Variants in DOCK4 observed in about 807,000 individuals in gnomAD.
DOCK4 encodes dedicator of cytokinesis protein 4.
In DOCK4, 97 loss-of-function variants were observed where a neutral mutation model predicts 268.1. The observed-to-expected ratio is 0.36, with a 90% CI of 0.31 to 0.43. The LOEUF is 0.43. DOCK4 is among the 20% of genes least tolerant of loss of function. DOCK4 has a pLI of 1.00. For missense variants in DOCK4, 2,145 were observed against 2,455.7 expected (o/e 0.87, Z 2.67); for synonymous variants, 954 against 887.2 (o/e 1.08, Z -1.34).
At chr7:112,009,961 C>T (rs1271116338) in intron 1 of DOCK4, among the ~76,000 whole-genome samples, 6 of 152,148 alleles carry the variant, frequency 3.9e-5, no homozygotes, top group Non-Finnish European at 7.3e-5. Flanking sequence ...GGACTGAAAG[C>T]GTTCGCCACC....
At chr7:112,122,521 T>C (rs60969734) in intron 1 of DOCK4, among the ~76,000 whole-genome samples, 5,728 of 152,236 alleles carry the variant, frequency 0.038, 230 homozygotes, top group East Asian at 0.18. Flanking sequence ...TCCACACACC[T>C]TGGCCTCCTA....
intron 30 of DOCK4, among the ~76,000 whole-genome samples, chr7:111,799,684 C>A (rs961388096): frequency 6.6e-6 from 1 of 152,160 alleles, no homozygotes; most frequent in Non-Finnish European, 1.5e-5. Context: ...AAGGGCTATT[C>A]ATCTTAATCC....
intron 1 of DOCK4, among the ~76,000 whole-genome samples, chr7:112,140,697 A>AT (rs1224609629): frequency 6.6e-6 from 1 of 151,894 alleles, no homozygotes; most frequent in Admixed American, 6.6e-5. Flanking sequence ...ACACGGAAGA[A>AT]TTTTTTTTCC....
In DOCK4 at chr7:111,809,414, C is replaced by T; in HGVS notation, c.3007-13G>A. 1 of 1,530,170 alleles carries T rather than the reference C, an allele frequency of 6.5e-7. No homozygotes were observed. Among genetic ancestry groups the T allele is most frequent in the Non-Finnish European group, 8.9e-7 (1 of 1,126,776 alleles). The allele number at this position is 1,530,170 out of a possible 1,614,324, so 94.8% of individuals were successfully genotyped here. A position where few individuals can be genotyped will look rare whatever the true frequency, so the allele number is the denominator to read the frequency against. On this transcript the variant is annotated splice_polypyrimidine_tract_variant and intron_variant, in intron 28 of 52. Transcript: ENST00000428084. ...AGGAATCCCAGATCTAAAACAAGAA[C>T]AAGATATATCAATACTATGGTGTTA...
chr7:111,741,887 C>T, intron 45 of DOCK4, 126 bp downstream of exon 45: 1 of 1,350,946 alleles, frequency 7.4e-7, no homozygotes, highest in Non-Finnish European at 9.9e-7. Flanking sequence ...TTTGAGGGCT[C>T]CCTGGTAAAA....
intron 22 of DOCK4, among the ~76,000 whole-genome samples, chr7:111,867,112 C>T (rs1402465238): frequency 2.6e-5 from 4 of 152,204 alleles, no homozygotes; most frequent in African/African-American, 9.7e-5. Context: ...GAATAGACCT[C>T]TCAACAGTCA....
rs529448743 is a variant in DOCK4, at chr7:112,025,222, T to G, written c.38-21091A>C. Among the ~76,000 whole-genome samples, 6 of 152,208 alleles carry G rather than the reference T, an allele frequency of 3.9e-5. No homozygotes were observed. The South Asian group carries it at 1.2e-3, about 32-fold the overall frequency. On this transcript the variant is annotated intron_variant, in intron 1 of 52. Coordinates refer to ENST00000428084, the MANE Select transcript of DOCK4 (RefSeq NM_001363540.2). ...GGGATTCAGTGATGAATAATAATAATAATAAAAAGCTGCCTTTTCTACCTC... is the reference window on the plus strand; with the variant it reads ...GGGATTCAGTGATGAATAATAATAAGAATAAAAAGCTGCCTTTTCTACCTC...
intron 1 of DOCK4, among the ~76,000 whole-genome samples, chr7:112,128,643 C>G (rs562141554): frequency 5.6e-4 from 85 of 152,264 alleles, no homozygotes; most frequent in East Asian, 3.9e-3. Flanking sequence ...TGAAACATGT[C>G]CTCTGTCCAC....
At chr7:111,764,152 T>C (rs1450991112) in intron 39 of DOCK4, among the ~76,000 whole-genome samples, 1 of 152,224 alleles carries the variant, frequency 6.6e-6, no homozygotes, top group Non-Finnish European at 1.5e-5. Flanking sequence ...TCATTTCAAC[T>C]GACTAAAGAA....
At chr7:112,018,179 A>AAAAAAAAAAAAAACACACAC in intron 1 of DOCK4, among the ~76,000 whole-genome samples, 1 of 72,590 alleles carries the variant, frequency 1.4e-5, no homozygotes, top group African/African-American at 5.4e-5. Context: ...AAAAAAAAAA[A>AAAAAAAAAAAAAACACACAC]ACACAGGCAA....
chr7:111,810,105 T>C (rs1001691630), intron 28 of DOCK4, among the ~76,000 whole-genome samples: 1 of 151,788 alleles, frequency 6.6e-6, no homozygotes, highest in Non-Finnish European at 1.5e-5. Flanking sequence ...TATACGTAAA[T>C]AGCTCTTACA....
chr7:111,816,158 A>G (rs536178758), intron 27 of DOCK4, among the ~76,000 whole-genome samples: 9 of 152,306 alleles, frequency 5.9e-5, no homozygotes, highest in Non-Finnish European at 1.2e-4. Context: ...CATCCAGGAA[A>G]GCTTATCTCC....
chr7:111,934,523 G>GTTTTTTTTTTTTTTTT (rs1183672033), intron 12 of DOCK4, among the ~76,000 whole-genome samples: 196 of 83,792 alleles, frequency 2.3e-3, no homozygotes, highest in Non-Finnish European at 3.9e-3. Context: ...TTTTGTTTTT[G>GTTTTTTTTTTTTTTTT]TTTTTTTTTT....
intron 1 of DOCK4, among the ~76,000 whole-genome samples, chr7:112,028,044 A>C (rs1292016467): frequency 6.6e-6 from 1 of 152,206 alleles, no homozygotes; most frequent in African/African-American, 2.4e-5. Context: ...CATGACAAAG[A>C]TAGCCCTGAA....
intron 8 of DOCK4, among the ~76,000 whole-genome samples, chr7:111,970,325 AAAG>A (rs1243279985): frequency 6.6e-5 from 10 of 151,896 alleles, no homozygotes; most frequent in Admixed American, 3.3e-4. Context: ...TATTAAAAAA[AAAG>A]AAAAAAAAAC....
At chr7:111,887,606 A>G (rs1288828706) in intron 16 of DOCK4, among the ~76,000 whole-genome samples, 1 of 152,148 alleles carries the variant, frequency 6.6e-6, no homozygotes, top group Non-Finnish European at 1.5e-5. Context: ...TAGTGGCTTT[A>G]GCCCCTGGCT....
chr7:112,060,932 T>C (rs1806330428), intron 1 of DOCK4, among the ~76,000 whole-genome samples: 1 of 152,204 alleles, frequency 6.6e-6, no homozygotes, highest in Non-Finnish European at 1.5e-5. Context: ...TTAATACCTC[T>C]GAAATGTATA....
At chr7:111,845,205 C>CCT (rs1444716513) in intron 24 of DOCK4, among the ~76,000 whole-genome samples, 1 of 152,214 alleles carries the variant, frequency 6.6e-6, no homozygotes, top group Non-Finnish European at 1.5e-5. Flanking sequence ...AGTCAGTCTG[C>CCT]CTCTCTGAGC....
At chr7:111,868,187 A>G (rs1200504860) in intron 21 of DOCK4, 33 bp from the exon 22 acceptor site, 6 of 1,494,430 alleles carry the variant, frequency 4.0e-6, no homozygotes, top group Non-Finnish European at 5.4e-6. Flanking sequence ...GTTAGCTTCA[A>G]AGGAGACAAA....
Sources: allele counts gnomAD v4.1 joint callset (sites outside exome capture counted in the v4.1 genomes callset), GRCh38; gene constraint gnomAD v4.1.1; transcripts MANE v1.5; gene names NCBI Gene and HGNC (gene_info 2026-07-23, HGNC 2026-07-21).